Variants in MAD1L1 observed in about 807,000 individuals in gnomAD.
The protein encoded by MAD1L1 is mitotic arrest deficient 1 like 1.
In MAD1L1, 95 loss-of-function variants were observed where a neutral mutation model predicts 96.9. The observed-to-expected ratio is 0.98, with a 90% CI of 0.83 to 1.16. The LOEUF (loss-of-function observed/expected upper bound fraction) is 1.16, where lower values mean the gene tolerates loss of function less well. MAD1L1 is among the 50% of genes most tolerant of loss of function. MAD1L1 has a pLI of 0.00. For missense variants in MAD1L1, 1,007 were observed against 954.4 expected (o/e 1.06, Z -0.73); for synonymous variants, 473 against 396.6 (o/e 1.19, Z -2.29).
chr7:1,944,215 C>T (rs1424408266), intron 16 of MAD1L1, among the ~76,000 whole-genome samples: 2 of 152,096 alleles, frequency 1.3e-5, no homozygotes, highest in African/African-American at 2.4e-5. Flanking sequence ...TTTGAGGGCA[C>T]GGGAGACAGC....
At position 2,011,531 on chromosome 7, in the gene MAD1L1, G is replaced by A. The variant is rs114142111; in HGVS notation, c.1359+2971C>T. ...TGGCGGCACCCCCAGCCTCCCACCC[G>A]ACTGTCACTTCAGGGAAAGGCAGGG... On this transcript the variant is annotated intron_variant, in intron 13 of 18. Transcript: ENST00000265854. Among the ~76,000 whole-genome samples the A allele has an allele frequency of 6.2e-3, 951 of 152,272 alleles. 16 individuals are homozygous for A. Among genetic ancestry groups the A allele is most frequent in the African/African-American group, 0.022 (910 of 41,554 alleles).
intron 13 of MAD1L1, among the ~76,000 whole-genome samples, chr7:2,009,539 A>G (rs542633837): frequency 6.6e-6 from 1 of 152,224 alleles, no homozygotes; most frequent in Non-Finnish European, 1.5e-5. Flanking sequence ...GGGTCCCCAC[A>G]GGGCTAACCA....
chr7:2,186,784 TTC>T (rs910599016), intron 10 of MAD1L1, among the ~76,000 whole-genome samples: 2 of 151,062 alleles, frequency 1.3e-5, no homozygotes, highest in Non-Finnish European at 2.9e-5. Flanking sequence ...CAAAACTATT[TTC>T]TTTTTCTTTT....
chr7:1,826,566 C>A (rs1782404497), intron 18 of MAD1L1, among the ~76,000 whole-genome samples: 1 of 152,218 alleles, frequency 6.6e-6, no homozygotes, highest in Admixed American at 6.5e-5. Context: ...AGCTCCCACC[C>A]CTCTCTGCCC....
rs924427699 is a variant in MAD1L1 at position 1,968,232 on chromosome 7, G to A, written c.1506-10513C>T. 6.6e-6 allele frequency among the ~76,000 whole-genome samples: 1 copy of A among 152,050 alleles called. No homozygotes were observed. The highest frequency in any genetic ancestry group is 1.9e-4 in the East Asian group (1 of 5,190). ...GGTCAGGTCCACCGTCGACGCCTCA[G>A]TCCGGCGGTCAGGTCCACCGTCAAC... On this transcript the variant is annotated intron_variant, in intron 15 of 18. Coordinates refer to ENST00000265854, the MANE Select transcript of MAD1L1 (RefSeq NM_001013836.2). This position sits in a 1 kb window ranked among gnomAD's most constrained non-coding sequence, Gnocchi z 5.6.
At chr7:1,967,148 C>T (rs961788464) in intron 15 of MAD1L1, among the ~76,000 whole-genome samples, 5 of 152,134 alleles carry the variant, frequency 3.3e-5, no homozygotes, top group Non-Finnish European at 5.9e-5. Flanking sequence ...AGGGACCTGC[C>T]GGGAGGGGCT....
At chr7:1,914,973 G>A (rs1431307236) in intron 17 of MAD1L1, among the ~76,000 whole-genome samples, 4 of 152,280 alleles carry the variant, frequency 2.6e-5, no homozygotes, top group East Asian at 1.9e-4. Flanking sequence ...AGCCTCATGC[G>A]GTGGCATCTA....
At chr7:2,178,358 G>A (rs909876970) in intron 10 of MAD1L1, among the ~76,000 whole-genome samples, 2 of 152,090 alleles carry the variant, frequency 1.3e-5, no homozygotes, top group African/African-American at 4.8e-5. Context: ...CCTTACCTGC[G>A]TGTCATCTGA....
At chr7:1,951,120 C>T (rs1182662732) in intron 16 of MAD1L1, among the ~76,000 whole-genome samples, 5 of 152,384 alleles carry the variant, frequency 3.3e-5, no homozygotes, top group Non-Finnish European at 5.9e-5. Flanking sequence ...TGGGTCCCTG[C>T]CAGACTGGCG....
chr7:1,916,627 AG>A (rs2128453632), intron 17 of MAD1L1, among the ~76,000 whole-genome samples: 1 of 152,314 alleles, frequency 6.6e-6, no homozygotes, highest in Admixed American at 6.5e-5. Context: ...AGGCCCTGCA[AG>A]GGAGTCAGCA....
At chr7:1,816,690 T>G (rs987687061) in intron 18 of MAD1L1, among the ~76,000 whole-genome samples, 3 of 151,970 alleles carry the variant, frequency 2.0e-5, no homozygotes, top group Non-Finnish European at 2.9e-5. Flanking sequence ...GGAGTCTGGC[T>G]CTGTGGATTC....
At chr7:1,987,045 G>C (rs1391651408) in intron 14 of MAD1L1, among the ~76,000 whole-genome samples, 1 of 151,326 alleles carries the variant, frequency 6.6e-6, no homozygotes, top group African/African-American at 2.4e-5. Flanking sequence ...ATCCATGTCT[G>C]TGGGCCACCT....
intron 18 of MAD1L1, among the ~76,000 whole-genome samples, chr7:1,870,167 C>T (rs970603305): frequency 3.3e-5 from 5 of 152,086 alleles, no homozygotes; most frequent in Admixed American, 2.0e-4. Flanking sequence ...CGATGTGTCA[C>T]ATCCGGCCTA....
At chr7:2,219,033 C>T (rs1793444078) in intron 6 of MAD1L1, among the ~76,000 whole-genome samples, 1 of 152,174 alleles carries the variant, frequency 6.6e-6, no homozygotes, top group Non-Finnish European at 1.5e-5. Flanking sequence ...GCACTCCAGG[C>T]TGGACGACAG....
chr7:2,147,122 G>A (rs1029677505), intron 11 of MAD1L1, among the ~76,000 whole-genome samples: 3 of 152,206 alleles, frequency 2.0e-5, no homozygotes, highest in Admixed American at 6.5e-5. Context: ...GTGCCCAGGC[G>A]CAGTTCAGGA....
intron 18 of MAD1L1, among the ~76,000 whole-genome samples, chr7:1,864,105 T>C (rs1645532035): frequency 6.6e-6 from 1 of 152,100 alleles, no homozygotes; most frequent in Admixed American, 6.5e-5. Context: ...CTGGCCAGGA[T>C]GGGGACGGGG....
At chr7:1,898,140 C>A (rs1031192309) in intron 18 of MAD1L1, 60 bp downstream of exon 18, 6 of 1,520,840 alleles carry the variant, frequency 3.9e-6, no homozygotes, top group Admixed American at 1.9e-5. Flanking sequence ...ACGGTCGGAT[C>A]TCCCCACAGG....
At position 2,151,266 on chromosome 7, in the gene MAD1L1, C is replaced by T. The variant is rs141953268; in HGVS notation, c.987-2028G>A. Among the ~76,000 whole-genome samples the T allele has an allele frequency of 3.9e-3, 597 of 152,332 alleles. 2 individuals carry two copies. The highest frequency in any genetic ancestry group is 0.014 in the African/African-American group (563 of 41,562). ...TTATTTACAACAAATAAATAAAAATCGCATATATCCACATCTGCAACGGCG... is the reference window on the plus strand; with the variant it reads ...TTATTTACAACAAATAAATAAAAATTGCATATATCCACATCTGCAACGGCG... On this transcript the variant is annotated intron_variant, in intron 10 of 18. Transcript: ENST00000265854.
intron 11 of MAD1L1, among the ~76,000 whole-genome samples, chr7:2,072,400 A>G (rs1241674354): frequency 6.6e-6 from 1 of 152,230 alleles, no homozygotes; most frequent in Non-Finnish European, 1.5e-5. Context: ...CCCCAGGTGC[A>G]GCACTGGCCA....
Sources: allele counts gnomAD v4.1 joint callset (sites outside exome capture counted in the v4.1 genomes callset), GRCh38; gene constraint gnomAD v4.1.1; non-coding constraint Gnocchi (gnomAD v3.1); transcripts MANE v1.5; gene names NCBI Gene and HGNC (gene_info 2026-07-23, HGNC 2026-07-21).